The following GINM1 variants were observed in gnomAD, a reference collection of about 807,000 sequenced individuals.
GINM1 encodes the protein glycoprotein integral membrane protein 1.
In GINM1, 29 loss-of-function variants were observed where a neutral mutation model predicts 37.8. That is an observed-to-expected ratio of 0.77 (90% CI 0.57 to 1.05). The LOEUF is 1.05. Ranked by LOEUF, GINM1 falls within the 50% of genes least tolerant of loss-of-function variation. GINM1 has a pLI of 0.00. For missense variants in GINM1, 377 were observed against 397.9 expected, an observed-to-expected ratio of 0.95 and a Z score of 0.45; for synonymous variants, 143 against 146.2, an observed-to-expected ratio of 0.98 and a Z score of 0.16.
chr6:149,570,716 T>G (rs945660387), intron 1 of GINM1, among the ~76,000 whole-genome samples: 1 of 152,252 alleles, frequency 6.6e-6, no homozygotes, highest in Non-Finnish European at 1.5e-5. Context: ...TTCTTTTTGA[T>G]GTTTATGAAC....
chr6:149,589,562 T>C (rs1778122834), intron 7 of GINM1, among the ~76,000 whole-genome samples: 1 of 152,154 alleles, frequency 6.6e-6, no homozygotes. Flanking sequence ...CATGAGCCAC[T>C]GCACCCAGCC....
intron 7 of GINM1, among the ~76,000 whole-genome samples, chr6:149,588,730 C>T (rs1055813004): frequency 3.3e-5 from 5 of 151,878 alleles, no homozygotes; most frequent in South Asian, 2.1e-4. Flanking sequence ...TGGGTTCAAG[C>T]GATCCTCCTG....
intron 3 of GINM1, 25 bp from the exon 4 acceptor site, chr6:149,578,797 G>GGCT: frequency 6.8e-7 from 1 of 1,479,272 alleles, no homozygotes; most frequent in East Asian, 2.3e-5. Flanking sequence ...TTTGTTCAAA[G>GGCT]GTGTCACTAC....
intron 3 of GINM1, among the ~76,000 whole-genome samples, chr6:149,573,753 C>T (rs1777866720): frequency 6.6e-6 from 1 of 151,624 alleles, no homozygotes; most frequent in Non-Finnish European, 1.5e-5. Flanking sequence ...TGCCTGTAGT[C>T]CCAGCTACTC....
rs747468426 is a variant in GINM1, at chr6:149,579,849, G to A, written c.445G>A (p.Val149Ile). 1.3e-5 allele frequency: 21 copies of A among 1,592,490 alleles called. No individual in the cohort carries two copies. The highest frequency in any genetic ancestry group is 8.6e-7 in the Non-Finnish European group (1 of 1,167,696). Residue 149 changes from valine to isoleucine, a missense_variant, in exon 5 of 8, where the codon GTC becomes ATC. Val to Ile is a conservative substitution (Grantham distance 29, BLOSUM62 3). Coordinates refer to ENST00000367419, the MANE Select transcript of GINM1 (RefSeq NM_138785.5). ...IDGKQVQQKDVTEIDILVKNR... is the reference protein window; with the variant it reads ...IDGKQVQQKDITEIDILVKNR... ...TCTTTCACAGGTTCAGCAAAAGGATGTCACTGAAATTGATATTTTAGTTAA... is the reference window on the plus strand; with the variant it reads ...TCTTTCACAGGTTCAGCAAAAGGATATCACTGAAATTGATATTTTAGTTAA...
In GINM1 at chr6:149,582,508, ATTC is replaced by A. The variant is rs1297951324; in HGVS notation, c.789_791del (p.Phe264del). 1 of 1,612,776 alleles carries A rather than the reference ATTC, an allele frequency of 6.2e-7. No individual in the cohort carries two copies. The highest frequency in any genetic ancestry group is 1.7e-4 in the Middle Eastern group (1 of 6,056). On this transcript the variant is annotated inframe_deletion, in exon 7 of 8. Coordinates refer to ENST00000367419, the MANE Select transcript of GINM1 (RefSeq NM_138785.5). ...GGTTCTGGAGCAACGTTTTCCCAGTATTCTTTCAGTTTTTGAACATCATGGTGG... is the reference window on the plus strand; with the variant it reads ...GGTTCTGGAGCAACGTTTTCCCAGTATTTCAGTTTTTGAACATCATGGTGG...
chr6:149,582,536 G>A lies in GINM1; in HGVS notation c.814G>A (p.Val272Ile). The change falls in exon 7 of 8, where the codon GTT (valine) becomes ATT (isoleucine). Residue 272 changes from valine (V) to isoleucine (I), a missense_variant. Coordinates refer to ENST00000367419, the MANE Select transcript of GINM1 (RefSeq NM_138785.5). ...VFFQFLNIMVVGITGAAVVIT... is the reference protein window; with the variant it reads ...VFFQFLNIMVIGITGAAVVIT... ...CTTTCAGTTTTTGAACATCATGGTG[G>A]TTGGAATTACAGGAGCAGCTGTGGT... The A allele has an allele frequency of 1.2e-6, 2 of 1,612,564 alleles. No homozygotes were observed. Among genetic ancestry groups the A allele is most frequent in the Non-Finnish European group, 1.7e-6 (2 of 1,179,494 alleles).
chr6:149,590,133 G>C (rs1186459062), intron 7 of GINM1, among the ~76,000 whole-genome samples: 1 of 152,074 alleles, frequency 6.6e-6, no homozygotes, highest in Non-Finnish European at 1.5e-5. Context: ...ACCTTTGAGA[G>C]CTACTTAAGA....
At chr6:149,575,773 A>G (rs1777905048) in intron 3 of GINM1, among the ~76,000 whole-genome samples, 1 of 152,176 alleles carries the variant, frequency 6.6e-6, no homozygotes, top group South Asian at 2.1e-4. Flanking sequence ...TGCTAGTACT[A>G]CTGAAATAAT....
intron 1 of GINM1, among the ~76,000 whole-genome samples, chr6:149,569,032 T>C (rs1240288048): frequency 6.6e-6 from 1 of 151,638 alleles, no homozygotes; most frequent in African/African-American, 2.4e-5. Context: ...TTTTATTTTT[T>C]GTTTTTTATT....
intron 1 of GINM1, among the ~76,000 whole-genome samples, chr6:149,570,136 T>TTATATATATATA (rs549791771): frequency 2.2e-5 from 1 of 45,826 alleles, no homozygotes; most frequent in Admixed American, 2.4e-4. Context: ...TAGGTAGGTT[T>TTATATATATATA]TATATATATA....
chr6:149,587,342 C>G (rs1778084419), intron 7 of GINM1, among the ~76,000 whole-genome samples: 1 of 152,186 alleles, frequency 6.6e-6, no homozygotes, highest in Admixed American at 6.5e-5. Flanking sequence ...CACCTGGACA[C>G]AGCGTCAGAT....
chr6:149,572,336 A>C lies in GINM1; in HGVS notation c.172A>C (p.Lys58Gln). The C allele has an allele frequency of 2.5e-6, 4 of 1,593,114 alleles. No individual in the cohort carries two copies. The highest frequency in any genetic ancestry group is 3.4e-6 in the Non-Finnish European group (4 of 1,168,562). The change falls in exon 2 of 8, where the codon AAA (lysine) becomes CAA (glutamine). Residue 58 changes from lysine to glutamine, a missense_variant. Lys to Gln is a moderately conservative substitution (Grantham distance 53). Coordinates refer to ENST00000367419, the MANE Select transcript of GINM1 (RefSeq NM_138785.5). ...TTLKDDGDIS[K>Q]QQVVLNITYE... Reference sequence around the variant, plus strand: ...ACTGAAAGATGATGGGGACATATCTAAACAGCAGGTTTGTCTCCTTTTCTG... The same window carrying C: ...ACTGAAAGATGATGGGGACATATCTCAACAGCAGGTTTGTCTCCTTTTCTG...
rs771917817 is a variant in GINM1 at position 149,572,322 on chromosome 6, A to G, written c.158A>G (p.Asp53Gly). ...IRINVTTLKD[D>G]GDISKQQVVL... ...ATTAATGTAACTACACTGAAAGATGATGGGGACATATCTAAACAGCAGGTT... is the reference window on the plus strand; with the variant it reads ...ATTAATGTAACTACACTGAAAGATGGTGGGGACATATCTAAACAGCAGGTT... The change falls in exon 2 of 8, where the codon GAT (aspartate) becomes GGT (glycine). Residue 53 changes from aspartate to glycine, a missense_variant. Transcript: ENST00000367419. 1 of 1,601,526 alleles carries G rather than the reference A, an allele frequency of 6.2e-7. No individual in the cohort carries two copies. The highest frequency in any genetic ancestry group is 8.5e-7 in the Non-Finnish European group (1 of 1,173,560).
At chr6:149,581,065 G>A (rs1777993311) in intron 6 of GINM1, among the ~76,000 whole-genome samples, 1 of 152,184 alleles carries the variant, frequency 6.6e-6, no homozygotes, top group African/African-American at 2.4e-5. Context: ...ATCTTGCCCA[G>A]TGATTCAGCT....
chr6:149,574,318 C>T (rs1403925141), intron 3 of GINM1, among the ~76,000 whole-genome samples: 1 of 152,174 alleles, frequency 6.6e-6, no homozygotes, highest in Non-Finnish European at 1.5e-5. Flanking sequence ...TCCCAAAGTG[C>T]TGGGATTACA....
chr6:149,588,598 A>C (rs116070869), intron 7 of GINM1, among the ~76,000 whole-genome samples: 1 of 152,062 alleles, frequency 6.6e-6, no homozygotes, highest in African/African-American at 2.4e-5. Context: ...AGACTTTCCT[A>C]TCTTAAAATT....
chr6:149,588,721 G>A (rs1399033523), intron 7 of GINM1, among the ~76,000 whole-genome samples: 1 of 152,012 alleles, frequency 6.6e-6, no homozygotes, highest in Non-Finnish European at 1.5e-5. Flanking sequence ...TGACCCTCCT[G>A]GGTTCAAGCG....
intron 1 of GINM1, among the ~76,000 whole-genome samples, chr6:149,571,279 C>T (rs1379547384): frequency 1.3e-5 from 2 of 149,252 alleles, no homozygotes; most frequent in African/African-American, 5.0e-5. Flanking sequence ...CGCCACTGCA[C>T]TCTAGCCTGG....
Sources: allele counts gnomAD v4.1 joint callset (sites outside exome capture counted in the v4.1 genomes callset), GRCh38; gene constraint gnomAD v4.1.1; transcripts MANE v1.5; gene names NCBI Gene and HGNC (gene_info 2026-07-23, HGNC 2026-07-21).